CHD1: variants seen among roughly 807,000 people sequenced by gnomAD.
CHD1 encodes ATP-dependent chromatin remodeler CHD1.
CHD1 carries 36 observed loss-of-function variants against 224.2 expected under a neutral mutation model. The ratio of observed to expected loss-of-function variants is 0.16; its 90% CI spans 0.12 to 0.21. CHD1 has a LOEUF of 0.21. CHD1 is among the 10% of genes least tolerant of loss of function. The pLI is 1.00. For synonymous variants in CHD1, 668 were observed against 658.3 expected (o/e 1.01, Z -0.23); for missense variants, 1,378 against 1,994.8 (o/e 0.69, Z 5.89).
chr5:98,865,158 A>G (rs1267525594), intron 31 of CHD1, among the ~76,000 whole-genome samples: 1 of 152,266 alleles, frequency 6.6e-6, no homozygotes, highest in Non-Finnish European at 1.5e-5. Context: ...AAAATGAAGG[A>G]GCAAGCCATT....
In CHD1 at chr5:98,856,880, A is replaced by T. The variant is rs1216669111; in HGVS notation, c.4788-155T>A. On this transcript the variant is annotated intron_variant, in intron 35 of 35. Coordinates refer to ENST00000614616, the MANE Select transcript of CHD1 (RefSeq NM_001270.4). Reference sequence around the variant, plus strand: ...ATAAAACTTACTTAATTAACTCAAAAATCACTGGATATATCTCTTTGGAAA... The same window carrying T: ...ATAAAACTTACTTAATTAACTCAAATATCACTGGATATATCTCTTTGGAAA... Among the ~76,000 whole-genome samples, 713 of 152,312 alleles carry T rather than the reference A, an allele frequency of 4.7e-3. 8 individuals carry two copies. Among genetic ancestry groups the T allele is most frequent in the African/African-American group, 0.016 (656 of 41,586 alleles).
At chr5:98,900,675 A>T in intron 7 of CHD1, 136 bp downstream of exon 7, 1 of 699,058 alleles carries the variant, frequency 1.4e-6, no homozygotes, top group Non-Finnish European at 2.4e-6. Flanking sequence ...TCCTGACCTC[A>T]GGTCTAGAAC....
intron 2 of CHD1, among the ~76,000 whole-genome samples, chr5:98,922,487 T>G (rs1753167853): frequency 6.6e-6 from 1 of 152,162 alleles, no homozygotes; most frequent in African/African-American, 2.4e-5. Context: ...AAAAATTTTT[T>G]TTTTCAGTAG....
chr5:98,862,120 C>A (rs1265456489), intron 32 of CHD1, among the ~76,000 whole-genome samples: 1 of 152,136 alleles, frequency 6.6e-6, no homozygotes, highest in African/African-American at 2.4e-5. Flanking sequence ...TTCGCCACTG[C>A]ACTCCAACCT....
At chr5:98,886,626 T>A (rs982013048) in intron 17 of CHD1, among the ~76,000 whole-genome samples, 33 of 152,170 alleles carry the variant, frequency 2.2e-4, no homozygotes, top group African/African-American at 8.0e-4. Flanking sequence ...GAATTTTAAC[T>A]CTGCGAAGAA....
At chr5:98,900,321 G>A (rs538562811) in intron 7 of CHD1, among the ~76,000 whole-genome samples, 2 of 151,336 alleles carry the variant, frequency 1.3e-5, no homozygotes, top group African/African-American at 4.8e-5. Flanking sequence ...TGGTCAGGTG[G>A]TTATTAAGAA....
chr5:98,877,228 T>C (rs1021557478), intron 23 of CHD1, among the ~76,000 whole-genome samples: 1 of 152,104 alleles, frequency 6.6e-6, no homozygotes, highest in African/African-American at 2.4e-5. Context: ...GACAAATCTA[T>C]ACGATAGAAT....
Position 98,873,666 on chromosome 5 carries a change from T to G in CHD1, c.3498A>C (p.Arg1166Ser), listed in dbSNP as rs754885419. Residue 1166 changes from arginine to serine, a missense_variant, in exon 26 of 36, where the codon AGA becomes AGC. Physicochemically the swap from Arg to Ser is moderately radical, Grantham distance 110. Transcript: ENST00000614616. ...ELVDKSETDL[R>S]RLGELVHNGC... ...CATTATGTACCAATTCTCCCAGTCG[T>G]CTAAGGTCTGTTTCTGACTTATCAA... 1.2e-6 allele frequency: 2 copies of G among 1,610,750 alleles called. No individual in the cohort carries two copies. Among genetic ancestry groups the G allele is most frequent in the Non-Finnish European group, 1.7e-6 (2 of 1,178,720 alleles).
At chr5:98,911,180 G>A (rs1273769440) in intron 2 of CHD1, among the ~76,000 whole-genome samples, 1 of 96,780 alleles carries the variant, frequency 1.0e-5, no homozygotes, top group African/African-American at 4.4e-5. Context: ...TATATATAGA[G>A]GCATGTCAAA....
At chr5:98,928,418 CCACCCGGCCTT>C (rs1211406107) in intron 1 of CHD1, 110 bp downstream of exon 1, 5 of 154,342 alleles carry the variant, frequency 3.2e-5, no homozygotes, top group South Asian at 4.1e-4. Flanking sequence ...ACTCACAGAG[CCACCCGGCCTT>C]CACCCGGCCG....
At chr5:98,919,443 AGT>A (rs2112637190) in intron 2 of CHD1, among the ~76,000 whole-genome samples, 1 of 152,340 alleles carries the variant, frequency 6.6e-6, no homozygotes, top group South Asian at 2.1e-4. Flanking sequence ...ATCAGAAAAC[AGT>A]GTTTTGACTA....
intron 4 of CHD1, among the ~76,000 whole-genome samples, chr5:98,903,566 G>A (rs576614933): frequency 6.6e-6 from 1 of 152,210 alleles, no homozygotes; most frequent in East Asian, 1.9e-4. Context: ...TTGCTGTAAT[G>A]AGCAAATGCA....
chr5:98,908,789 A>G (rs1328616652), intron 2 of CHD1, among the ~76,000 whole-genome samples: 1 of 120,484 alleles, frequency 8.3e-6, no homozygotes, highest in Non-Finnish European at 1.7e-5. Flanking sequence ...AATTCAGATA[A>G]TACACCCACG....
intron 16 of CHD1, among the ~76,000 whole-genome samples, chr5:98,888,868 T>C (rs1750824495): frequency 6.6e-6 from 1 of 152,228 alleles, no homozygotes; most frequent in Admixed American, 6.5e-5. Context: ...AGAGACCTAT[T>C]TTTAGAAAAT....
At chr5:98,921,429 G>A (rs1000409709) in intron 2 of CHD1, among the ~76,000 whole-genome samples, 17 of 152,126 alleles carry the variant, frequency 1.1e-4, no homozygotes, top group Admixed American at 2.0e-4. Context: ...GAATCACTTA[G>A]AATCTTGTTA....
At chr5:98,909,624 T>A (rs1752263183) in intron 2 of CHD1, among the ~76,000 whole-genome samples, 1 of 152,138 alleles carries the variant, frequency 6.6e-6, no homozygotes, top group African/African-American at 2.4e-5. Context: ...TACACTTCTG[T>A]AAAGAGAAAC....
chr5:98,884,892 CTTTTTA>C (rs1279752423), intron 18 of CHD1, among the ~76,000 whole-genome samples: 3 of 151,594 alleles, frequency 2.0e-5, no homozygotes, highest in African/African-American at 4.8e-5. Flanking sequence ...ATTTTTTTTA[CTTTTTA>C]TTTTTATTTT....
chr5:98,873,227 G>T (rs1429468298), intron 26 of CHD1, among the ~76,000 whole-genome samples: 1 of 151,998 alleles, frequency 6.6e-6, no homozygotes, highest in African/African-American at 2.4e-5. Context: ...TATCATATGT[G>T]TATATTTGCA....
At chr5:98,856,804 A>G in intron 35 of CHD1, 79 bp from the exon 36 acceptor site, 2 of 898,340 alleles carry the variant, frequency 2.2e-6, no homozygotes, top group East Asian at 5.3e-5. Flanking sequence ...TAAAAAACAT[A>G]AAAATACCTT....
Sources: gnomAD v4.1 joint callset for allele counts (sites outside exome capture counted in the v4.1 genomes callset) on GRCh38, gnomAD v4.1.1 for gene constraint, MANE v1.5 for transcripts, NCBI Gene and HGNC (gene_info 2026-07-23, HGNC 2026-07-21) for gene names.